The following TSHZ1 variants were observed in gnomAD, a reference collection of about 807,000 sequenced individuals.
TSHZ1 encodes teashirt zinc finger homeobox 1.
In TSHZ1, 12 loss-of-function variants were observed where a neutral mutation model predicts 67.1. That is an observed-to-expected ratio of 0.18 (90% CI 0.11 to 0.29). The LOEUF (loss-of-function observed/expected upper bound fraction) is 0.29, where lower values mean the gene tolerates loss of function less well. TSHZ1 is among the 10% of genes least tolerant of loss of function. The pLI, the probability that TSHZ1 is intolerant of heterozygous loss-of-function variation, is 1.00. For missense variants in TSHZ1, 1,305 were observed against 1,413.9 expected, an observed-to-expected ratio of 0.92 and a Z score of 1.23; for synonymous variants, 632 against 622.4, an observed-to-expected ratio of 1.02 and a Z score of -0.23.
At position 75,286,007 on chromosome 18, in the gene TSHZ1, C is replaced by T. The variant is rs1303990014; in HGVS notation, c.600C>T (p.His200=). 3.1e-6 allele frequency: 5 copies of T among 1,608,948 alleles called. No individual in the cohort carries two copies. Among genetic ancestry groups the T allele is most frequent in the South Asian group, 2.2e-5 (2 of 90,270 alleles). ...GCAGCAGCTCCGGGTACGACTGGCA[C>T]CAGGCTGCACTGGCCAAGACGCTGC... ...STSSSSGYDW[H]QAALAKTLQQ... is the part of the protein sequence containing the mutation. Residue 200 remains histidine, a synonymous_variant, in exon 2 of 2, where the codon CAC becomes CAT. Coordinates refer to ENST00000580243, the MANE Select transcript of TSHZ1 (RefSeq NM_001308210.2). This position sits in a 1 kb window ranked among gnomAD's most constrained non-coding sequence, Gnocchi z 5.1.
At chr18:75,231,370 G>A (rs1253818693) in intron 1 of TSHZ1, among the ~76,000 whole-genome samples, 1 of 152,226 alleles carries the variant, frequency 6.6e-6, no homozygotes, top group African/African-American at 2.4e-5. Flanking sequence ...TGCTTGGTGT[G>A]AGTCCTTCTC....
Position 75,287,939 on chromosome 18 carries a change from G to A in TSHZ1, c.2532G>A (p.Val844=). The A allele has an allele frequency of 6.2e-7, 1 of 1,614,232 alleles. No individual in the cohort carries two copies. Among genetic ancestry groups the A allele is most frequent in the Non-Finnish European group, 8.5e-7 (1 of 1,180,050 alleles). The change falls in exon 2 of 2, where the codon GTG becomes GTA. Residue 844 remains valine, a synonymous_variant. Transcript: ENST00000580243. This position sits in a 1 kb window ranked among gnomAD's most constrained non-coding sequence, Gnocchi z 5.0. The part of the protein sequence containing the change: ...ESALMDISDM[V]KNLTGRLTPK... ...CACTCATGGACATCTCCGACATGGTGAAAAACCTCACAGGCCGCCTGACGC... is the reference window on the plus strand; with the variant it reads ...CACTCATGGACATCTCCGACATGGTAAAAAACCTCACAGGCCGCCTGACGC...
intron 1 of TSHZ1, among the ~76,000 whole-genome samples, chr18:75,249,983 G>A (rs1389012577): frequency 3.7e-5 from 5 of 136,330 alleles, no homozygotes; most frequent in African/African-American, 1.4e-4. Context: ...GGTGGGGGGC[G>A]CATGACCTCC....
At chr18:75,223,319 T>C (rs1385497458) in intron 1 of TSHZ1, among the ~76,000 whole-genome samples, 2 of 152,164 alleles carry the variant, frequency 1.3e-5, no homozygotes, top group Non-Finnish European at 2.9e-5. Context: ...ATAGGGAAGA[T>C]TTTTTTAGTT....
At chr18:75,244,200 T>C (rs1323102863) in intron 1 of TSHZ1, among the ~76,000 whole-genome samples, 1 of 152,062 alleles carries the variant, frequency 6.6e-6, no homozygotes, top group Non-Finnish European at 1.5e-5. Flanking sequence ...CCCAGAAAAT[T>C]CTGAGGCTGG....
intron 1 of TSHZ1, among the ~76,000 whole-genome samples, chr18:75,246,525 T>C (rs1240812424): frequency 6.6e-6 from 1 of 150,994 alleles, no homozygotes; most frequent in Admixed American, 6.6e-5. Context: ...CTTGATCCCT[T>C]GATTGCCTGC....
At chr18:75,271,962 A>T (rs945265320) in intron 1 of TSHZ1, among the ~76,000 whole-genome samples, 1 of 152,216 alleles carries the variant, frequency 6.6e-6, no homozygotes, top group African/African-American at 2.4e-5. Flanking sequence ...TCCTGTAAAG[A>T]ATGTATGGAA....
intron 1 of TSHZ1, among the ~76,000 whole-genome samples, chr18:75,246,403 G>GGTGTGTGTGTGTGTGTGTGTGTGTGTGT (rs74178999): frequency 0.015 from 1,589 of 108,376 alleles, 95 homozygotes; most frequent in East Asian, 0.028. Context: ...TTTGGTTTCT[G>GGTGTGTGTGTGTGTGTGTGTGTGTGTGT]GTGTGTGTGT....
intron 1 of TSHZ1, chr18:75,244,639 G>C (rs1329205881): frequency 1.3e-5 from 2 of 152,246 alleles, no homozygotes; most frequent in Non-Finnish European, 2.9e-5. Flanking sequence ...CTTTCTTTGT[G>C]GTCGTTGCTC....
chr18:75,279,922 T>C (rs1218410493), intron 1 of TSHZ1, among the ~76,000 whole-genome samples: 1 of 152,236 alleles, frequency 6.6e-6, no homozygotes, highest in East Asian at 1.9e-4. Flanking sequence ...CTAGTCCATG[T>C]TGGCTGAACT....
At chr18:75,261,095 G>A (rs887080488) in intron 1 of TSHZ1, among the ~76,000 whole-genome samples, 2 of 151,984 alleles carry the variant, frequency 1.3e-5, no homozygotes, top group African/African-American at 4.8e-5. Context: ...CGGAGACAGA[G>A]AAGTCCAGTT....
chr18:75,287,993 A>G lies in TSHZ1; in HGVS notation c.2586A>G (p.Ser862=), dbSNP rs1455417692. The change falls in exon 2 of 2, where the codon TCA becomes TCG. Residue 862 remains serine, a synonymous_variant. Transcript: ENST00000580243. This position sits in a 1 kb window ranked among gnomAD's most constrained non-coding sequence, Gnocchi z 5.0. ...AGTCCTCCACGCCCTCCACAGTTTC[A>G]GAGAAGTCCGATGCTGATGGCAGCA... ...TPKSSTPSTV[S]EKSDADGSSF... is the part of the protein sequence containing the mutation. 2.5e-6 allele frequency: 4 copies of G among 1,614,164 alleles called. No individual in the cohort carries two copies. Among genetic ancestry groups the G allele is most frequent in the South Asian group, 1.1e-5 (1 of 91,088 alleles).
rs184438535 is a variant in TSHZ1, at chr18:75,261,270, A to G, written c.41-24178A>G. 1.4e-4 allele frequency among the ~76,000 whole-genome samples: 21 copies of G among 152,334 alleles called. No individual in the cohort carries two copies. In the East Asian group the frequency reaches 3.9e-3, roughly 28 times the overall value. On this transcript the variant is annotated intron_variant, in intron 1 of 1. Transcript: ENST00000580243. ...AAGAGACTTGCTGTCTAACTCTGCC[A>G]TAGAGACCTTCCAAAAATGCTTTGA...
chr18:75,216,078 T>C (rs1321327024), intron 1 of TSHZ1, among the ~76,000 whole-genome samples: 13 of 152,238 alleles, frequency 8.5e-5, no homozygotes, highest in Admixed American at 8.5e-4. Context: ...GCGTATGCTT[T>C]CTGAATATTT....
At chr18:75,234,364 T>C (rs2122539799) in intron 1 of TSHZ1, among the ~76,000 whole-genome samples, 1 of 152,332 alleles carries the variant, frequency 6.6e-6, no homozygotes, top group South Asian at 2.1e-4. Context: ...GCTGCCATCT[T>C]CTCTGGCAAT....
intron 1 of TSHZ1, among the ~76,000 whole-genome samples, chr18:75,269,232 A>G (rs17056768): frequency 0.028 from 4,309 of 152,280 alleles, 82 homozygotes; most frequent in African/African-American, 0.05. Flanking sequence ...TATCTGCATC[A>G]GTTTGCTTTG....
intron 1 of TSHZ1, among the ~76,000 whole-genome samples, chr18:75,265,749 C>A (rs138564997): frequency 0.011 from 1,683 of 152,298 alleles, 10 homozygotes; most frequent in Non-Finnish European, 0.017. Flanking sequence ...AGACCCCTTC[C>A]AAGCTCAGAA....
chr18:75,256,376 G>A (rs1373860905), intron 1 of TSHZ1, among the ~76,000 whole-genome samples: 1 of 152,190 alleles, frequency 6.6e-6, no homozygotes, highest in Non-Finnish European at 1.5e-5. Context: ...GATCAGCTGG[G>A]TCACAGAGGT....
rs144451020 is a variant in TSHZ1, at chr18:75,226,987, C to T, written c.40+15071C>T. Among the ~76,000 whole-genome samples, 535 of 152,276 alleles carry T rather than the reference C, an allele frequency of 3.5e-3. 3 individuals carry two copies. Among genetic ancestry groups the T allele is most frequent in the African/African-American group, 0.012 (513 of 41,554 alleles). On this transcript the variant is annotated intron_variant, in intron 1 of 1. Coordinates refer to ENST00000580243, the MANE Select transcript of TSHZ1 (RefSeq NM_001308210.2). Reference sequence around the variant, plus strand: ...CTGAGACCCAAAGGAGTGATTGTTCCAAGCCCAGGAACACACAAGCCCCCG... The same window carrying T: ...CTGAGACCCAAAGGAGTGATTGTTCTAAGCCCAGGAACACACAAGCCCCCG...
Sources: gnomAD v4.1 joint callset for allele counts (sites outside exome capture counted in the v4.1 genomes callset) on GRCh38, gnomAD v4.1.1 for gene constraint, Gnocchi (gnomAD v3.1) non-coding constraint, MANE v1.5 for transcripts, NCBI Gene and HGNC (gene_info 2026-07-23, HGNC 2026-07-21) for gene names.